The following MKI67 variants were observed in gnomAD, a reference collection of about 807,000 sequenced individuals.
The protein encoded by MKI67 is proliferation marker protein Ki-67.
A neutral mutation model predicts 233.5 loss-of-function variants in MKI67; 152 were observed. The ratio of observed to expected loss-of-function variants is 0.65; its 90% confidence interval spans 0.57 to 0.74. MKI67 has a LOEUF of 0.74. Among genes scored for constraint, MKI67 ranks in the 30% least tolerant of loss-of-function variants. The probability of loss-of-function intolerance (pLI) is 0.00; values close to 1 mark genes in which losing one functional copy is unlikely to be tolerated. For synonymous variants in MKI67, 1,465 were observed against 1,418.5 expected (o/e 1.03, Z -0.74); for missense variants, 3,940 against 3,885.2 (o/e 1.01, Z -0.37).
At position 128,117,851 on chromosome 10, in the gene MKI67, A is replaced by G. The variant is rs137912799; in HGVS notation, c.355-1315T>C. Among the ~76,000 whole-genome samples, 262 of 152,294 alleles carry G rather than the reference A, an allele frequency of 1.7e-3. 1 individual carries two copies. Among genetic ancestry groups the G allele is most frequent in the African/African-American group, 5.8e-3 (239 of 41,554 alleles). Reference sequence around the variant, plus strand: ...AAAATTGCTGTCGAATTGCTGTCATATTTACTACATACTCCATTTCAGTAC... The same window carrying G: ...AAAATTGCTGTCGAATTGCTGTCATGTTTACTACATACTCCATTTCAGTAC... On this transcript the variant is annotated intron_variant, in intron 5 of 14. Coordinates refer to ENST00000368654, the MANE Select transcript of MKI67 (RefSeq NM_002417.5).
rs370598785 is a variant in MKI67 at position 128,102,812 on chromosome 10, T to C, written c.9028A>G (p.Lys3010Glu). ...GGKDGSVTGT[K>E]RLRCMPAPEE... Reference sequence around the variant, plus strand: ...GGTGCTGGCATGCAGCGCAGCCTCTTGGTTCCCGTGACGCTTCCATCTTTG... The same window carrying C: ...GGTGCTGGCATGCAGCGCAGCCTCTCGGTTCCCGTGACGCTTCCATCTTTG... The change falls in exon 13 of 15, where the codon AAG (lysine) becomes GAG (glutamate). Residue 3010 changes from lysine (K) to glutamate (E), a missense_variant. Transcript: ENST00000368654. The C allele has an allele frequency of 4.3e-5, 70 of 1,614,122 alleles. No homozygotes were observed. Among genetic ancestry groups the C allele is most frequent in the Non-Finnish European group, 5.8e-5 (68 of 1,180,052 alleles).
chr10:128,106,094 C>G lies in MKI67; in HGVS notation c.5746G>C (p.Asp1916His). The G allele has an allele frequency of 6.2e-7, 1 of 1,613,922 alleles. No homozygotes were observed. The highest frequency in any genetic ancestry group is 8.5e-7 in the Non-Finnish European group (1 of 1,180,006). The change falls in exon 13 of 15, where the codon GAC (aspartate) becomes CAC (histidine). Residue 1916 changes from aspartate to histidine, a missense_variant. Asp to His is a moderately conservative substitution (Grantham distance 81). Coordinates refer to ENST00000368654, the MANE Select transcript of MKI67 (RefSeq NM_002417.5). ...GGAGTCCCCACAAATGTGTTGATGT[C>G]TTTCTCTTCACCTACTGCTGCTTTA... ...TPKAAVGEEK[D>H]INTFVGTPVE...
At chr10:128,117,013 T>C (rs1852821305) in intron 5 of MKI67, among the ~76,000 whole-genome samples, 1 of 152,242 alleles carries the variant, frequency 6.6e-6, no homozygotes, top group Non-Finnish European at 1.5e-5. Context: ...TGGGAGCTAG[T>C]GGTCAGGATA....
chr10:128,116,677 TG>T, intron 5 of MKI67, 141 bp from the exon 6 acceptor site: 3 of 711,818 alleles, frequency 4.2e-6, no homozygotes. Flanking sequence ...GAGGCCAAGG[TG>T]GGCGGATCAC....
rs758640631 is a variant in MKI67 at position 128,113,467 on chromosome 10, A to T, written c.1616T>A (p.Leu539Gln). 6.2e-7 allele frequency: 1 copy of T among 1,614,086 alleles called. No individual in the cohort carries two copies. Among genetic ancestry groups the T allele is most frequent in the African/African-American group, 1.3e-5 (1 of 74,928 alleles). ...CAGGACAGGTGGAGTGTGCATTACC[A>T]GAGACTTTCTTTTGGTTGGGGCTTC... The part of the protein sequence containing the change: ...RGEAPTKRKS[L>Q]VMHTPPVLKK... The change falls in exon 8 of 15, where the codon CTG becomes CAG. Residue 539 changes from leucine (L) to glutamine (Q), a missense_variant. Physicochemically the swap from Leu to Gln is moderately radical, Grantham distance 113. Coordinates refer to ENST00000368654, the MANE Select transcript of MKI67 (RefSeq NM_002417.5).
Position 128,104,601 on chromosome 10 carries a change from C to A in MKI67, c.7239G>T (p.Leu2413=), listed in dbSNP as rs1852430575. The A allele has an allele frequency of 6.2e-7, 1 of 1,613,792 alleles. No homozygotes were observed. Among genetic ancestry groups the A allele is most frequent in the African/African-American group, 1.3e-5 (1 of 74,808 alleles). The change falls in exon 13 of 15, where the codon CTG becomes CTT. Residue 2413 remains leucine, a synonymous_variant. Transcript: ENST00000368654. ...FVETPVQKLD[L]LGNLPGSKRQ... is the part of the protein sequence containing the mutation. ...TCTTGCTGCCAGGTAAATTTCCTAG[C>A]AGGTCCAGTTTCTGCACTGGAGTTT...
Position 128,114,944 on chromosome 10 carries a change from G to C in MKI67, c.1464C>G (p.Asn488Lys), listed in dbSNP as rs528994500. Residue 488 changes from asparagine (N) to lysine (K), a missense_variant, in exon 7 of 15, where the codon AAC becomes AAG. Asn to Lys is a moderately conservative substitution (Grantham distance 94). Transcript: ENST00000368654. ...LPGLSSVDIN[N>K]FGDSINESEG... ...TAAACTTACTAATGGAATCACCAAAGTTGTTGATATCAACTGAACTAAGAC... is the reference window on the plus strand; with the variant it reads ...TAAACTTACTAATGGAATCACCAAACTTGTTGATATCAACTGAACTAAGAC... 1.9e-6 allele frequency: 3 copies of C among 1,555,482 alleles called. No individual in the cohort carries two copies. The South Asian group carries it at 3.6e-5, about 19-fold the overall frequency.
rs540401023 is a variant in MKI67 at position 128,103,711 on chromosome 10, G to C, written c.8129C>G (p.Pro2710Arg). 35 of 1,614,068 alleles carry C rather than the reference G, an allele frequency of 2.2e-5. No individual in the cohort carries two copies. In the South Asian group the frequency reaches 3.4e-4, roughly 16 times the overall value. Residue 2710 changes from proline (P) to arginine (R), a missense_variant, in exon 13 of 15, where the codon CCA (proline) becomes CGA (arginine). Physicochemically the swap from Pro to Arg is moderately radical, Grantham distance 103. Transcript: ENST00000368654. ...TGCTGTGGTGTCTACCACTTCTAGT[G>C]GGGGAGATTCGCAGGGTATTTTAGT... Reference protein sequence around the residue: ...KATKIPCESPPLEVVDTTAST... With the variant: ...KATKIPCESPRLEVVDTTAST...
chr10:128,119,442 T>G (rs768465972), intron 4 of MKI67, 123 bp from the exon 5 acceptor site: 3 of 622,504 alleles, frequency 4.8e-6, no homozygotes, highest in Non-Finnish European at 8.4e-6. Context: ...AGACATCACC[T>G]TATACAAAGA....
chr10:128,109,043 T>C lies in MKI67; in HGVS notation c.2797A>G (p.Lys933Glu). ...KEIERPFETY[K>E]ENIELKENDE... is the part of the protein sequence containing the mutation. ...TTTTCTTTTAATTCAATATTTTCCTTATATGTCTCAAAAGGTCTTTCTATT... is the reference window on the plus strand; with the variant it reads ...TTTTCTTTTAATTCAATATTTTCCTCATATGTCTCAAAAGGTCTTTCTATT... The change falls in exon 13 of 15, where the codon AAG becomes GAG. Residue 933 changes from lysine (K) to glutamate (E), a missense_variant. Coordinates refer to ENST00000368654, the MANE Select transcript of MKI67 (RefSeq NM_002417.5). 1 of 1,614,198 alleles carries C rather than the reference T, an allele frequency of 6.2e-7. No individual in the cohort carries two copies. Among genetic ancestry groups the C allele is most frequent in the Non-Finnish European group, 8.5e-7 (1 of 1,180,020 alleles).
chr10:128,125,658 T>G lies in MKI67; in HGVS notation c.10A>C (p.Thr4Pro), dbSNP rs1853040124. The stretch of plus-strand genomic sequence containing the variant: ...CTTTTGATAGTAACCAGGCGTCTCG[T>G]GGGCCACATTTTCTAAACAGTAAGT... MWP[T>P]RRLVTIKRSG... Residue 4 changes from threonine (T) to proline (P), a missense_variant, in exon 2 of 15, where the codon ACG (threonine) becomes CCG (proline). Transcript: ENST00000368654. This position sits in a 1 kb window ranked among gnomAD's most constrained non-coding sequence, Gnocchi z 5.3. The G allele has an allele frequency of 4.3e-6, 7 of 1,613,904 alleles. No individual in the cohort carries two copies. The highest frequency in any genetic ancestry group is 5.9e-6 in the Non-Finnish European group (7 of 1,179,872).
Position 128,103,034 on chromosome 10 carries a change from T to A in MKI67, c.8806A>T (p.Asn2936Tyr), listed in dbSNP as rs748250475. Reference protein sequence around the residue: ...QTPGHTEELANGAADSFTSAP... With the variant: ...QTPGHTEELAYGAADSFTSAP... ...CTTGTAAAGCTATCAGCAGCACCAT[T>A]TGCCAGTTCCTCAGTGTGGCCTGGT... Residue 2936 changes from asparagine to tyrosine, a missense_variant, in exon 13 of 15, where the codon AAT becomes TAT. By Grantham distance (143) the Asn-to-Tyr change is moderately radical. Transcript: ENST00000368654. The A allele has an allele frequency of 4.5e-5, 73 of 1,614,126 alleles. No homozygotes were observed. Among genetic ancestry groups the A allele is most frequent in the Non-Finnish European group, 5.8e-5 (68 of 1,180,054 alleles).
Position 128,101,721 on chromosome 10 carries a change from T to C in MKI67, c.9262-20A>G. On this transcript the variant is annotated intron_variant, in intron 13 of 14. Coordinates refer to ENST00000368654, the MANE Select transcript of MKI67 (RefSeq NM_002417.5). ...TATTCCCTAAAGAAATGAGAAGACA[T>C]CCACAAAATTCCAATAATTAGTAAA... 2.6e-6 allele frequency: 4 copies of C among 1,543,346 alleles called. No homozygotes were observed. Among genetic ancestry groups the C allele is most frequent in the Non-Finnish European group, 3.5e-6 (4 of 1,146,658 alleles).
chr10:128,120,237 T>A (rs1852904630), intron 4 of MKI67, among the ~76,000 whole-genome samples: 1 of 152,180 alleles, frequency 6.6e-6, no homozygotes, highest in Non-Finnish European at 1.5e-5. Context: ...ATGCCTGTAA[T>A]CTCAGCATTT....
At chr10:128,120,360 C>T (rs930468783) in intron 4 of MKI67, among the ~76,000 whole-genome samples, 8 of 151,936 alleles carry the variant, frequency 5.3e-5, no homozygotes, top group African/African-American at 1.9e-4. Flanking sequence ...GGTGTTGTGG[C>T]GCGTGCCTGT....
chr10:128,119,195 C>A, intron 5 of MKI67, 58 bp downstream of exon 5: 1 of 1,215,614 alleles, frequency 8.2e-7, no homozygotes, highest in Non-Finnish European at 1.2e-6. Context: ...TTAAAGCATA[C>A]ATAAATGATT....
chr10:128,115,472 C>A lies in MKI67; in HGVS notation c.936G>T (p.Glu312Asp). ...AVAEPASPEQELDQNKGKGRD... is the reference protein window; with the variant it reads ...AVAEPASPEQDLDQNKGKGRD... The stretch of plus-strand genomic sequence containing the variant: ...TTCCCTTCCCCTTGTTCTGGTCAAG[C>A]TCTTGTTCAGGTGAAGCAGGCTCTG... The change falls in exon 7 of 15, where the codon GAG becomes GAT. Residue 312 changes from glutamate to aspartate, a missense_variant. Transcript: ENST00000368654. The A allele has an allele frequency of 6.2e-7, 1 of 1,613,916 alleles. No homozygotes were observed. The highest frequency in any genetic ancestry group is 8.5e-7 in the Non-Finnish European group (1 of 1,179,924).
At position 128,112,183 on chromosome 10, in the gene MKI67, T is replaced by C. The variant is rs1378089125; in HGVS notation, c.1919A>G (p.Gln640Arg). The change falls in exon 9 of 15, where the codon CAG becomes CGG. Residue 640 changes from glutamine to arginine, a missense_variant. Coordinates refer to ENST00000368654, the MANE Select transcript of MKI67 (RefSeq NM_002417.5). ...SISRSQHDIL[Q>R]MICSKRRSGA... ...ACTTCTTCTTTTGGAACATATCATC[T>C]GTAAAATATCATGTTGACTTCGGCT... The C allele has an allele frequency of 6.2e-7, 1 of 1,614,136 alleles. No individual in the cohort carries two copies. The highest frequency in any genetic ancestry group is 8.5e-7 in the Non-Finnish European group (1 of 1,180,054).
chr10:128,116,407 A>G (rs947524201), intron 6 of MKI67, 84 bp downstream of exon 6: 1 of 1,239,960 alleles, frequency 8.1e-7, no homozygotes, highest in Admixed American at 1.7e-5. Context: ...TAGCACTTGC[A>G]TTCTTGTTGC....
Sources: gnomAD v4.1 joint callset for allele counts (sites outside exome capture counted in the v4.1 genomes callset) on GRCh38, gnomAD v4.1.1 for gene constraint, Gnocchi (gnomAD v3.1) non-coding constraint, MANE v1.5 for transcripts, NCBI Gene and HGNC (gene_info 2026-07-23, HGNC 2026-07-21) for gene names.